Variants in RBFOX1 observed in about 807,000 individuals in gnomAD.
RBFOX1 encodes RNA binding fox-1 homolog 1.
In RBFOX1, 8 loss-of-function variants were observed where a neutral mutation model predicts 57.7. That is an observed-to-expected ratio of 0.14 (90% CI 0.08 to 0.25). The LOEUF (loss-of-function observed/expected upper bound fraction) is 0.25. Among genes scored for constraint, RBFOX1 ranks in the 10% least tolerant of loss-of-function variants. The probability of loss-of-function intolerance (pLI) is 1.00; values close to 1 mark genes in which losing one functional copy is unlikely to be tolerated. For synonymous variants in RBFOX1, 326 were observed against 222.4 expected, an observed-to-expected ratio of 1.47 and a Z score of -4.15; for missense variants, 611 against 548.5, an observed-to-expected ratio of 1.11 and a Z score of -1.14.
chr16:7,320,195 T>A (rs993518961), intron 4 of RBFOX1, among the ~76,000 whole-genome samples: 5 of 152,142 alleles, frequency 3.3e-5, no homozygotes, highest in African/African-American at 1.2e-4. Context: ...TTAAGCCCCA[T>A]GTTCATCAGC....
At chr16:7,193,531 G>T (rs915171322) in intron 4 of RBFOX1, among the ~76,000 whole-genome samples, 1 of 152,220 alleles carries the variant, frequency 6.6e-6, no homozygotes, top group African/African-American at 2.4e-5. Flanking sequence ...AACTGCAAAT[G>T]CTTTTATGGT....
intron 3 of RBFOX1, among the ~76,000 whole-genome samples, chr16:7,002,142 T>G (rs1468926438): frequency 6.6e-6 from 1 of 152,002 alleles, no homozygotes; most frequent in Admixed American, 6.6e-5. Flanking sequence ...TAGGTGAGTC[T>G]AGGGTTATTG....
intron 1 of RBFOX1, among the ~76,000 whole-genome samples, chr16:5,391,173 G>C (rs952073781): frequency 1.3e-5 from 2 of 152,162 alleles, no homozygotes; most frequent in South Asian, 2.1e-4. Context: ...AAAGAAACTT[G>C]GGGCATTAGT....
intron 4 of RBFOX1, among the ~76,000 whole-genome samples, chr16:7,081,506 T>C (rs1402836334): frequency 1.3e-5 from 2 of 152,088 alleles, no homozygotes; most frequent in Non-Finnish European, 2.9e-5. Context: ...GCTAGAAAAA[T>C]AGAAGCACTC....
At chr16:6,104,805 A>C (rs975086579) in intron 1 of RBFOX1, among the ~76,000 whole-genome samples, 1 of 152,252 alleles carries the variant, frequency 6.6e-6, no homozygotes, top group Non-Finnish European at 1.5e-5. Flanking sequence ...AACATTATGC[A>C]CATATTATGC....
intron 3 of RBFOX1, among the ~76,000 whole-genome samples, chr16:6,699,002 G>C (rs1006694710): frequency 6.6e-6 from 1 of 152,166 alleles, no homozygotes; most frequent in Non-Finnish European, 1.5e-5. Context: ...AGAATGTGGC[G>C]TTGTTCTTGG....
chr16:6,695,948 C>A (rs904402048), intron 3 of RBFOX1, among the ~76,000 whole-genome samples: 1 of 152,142 alleles, frequency 6.6e-6, no homozygotes, highest in Non-Finnish European at 1.5e-5. Flanking sequence ...CTTTTATAAC[C>A]ACATTGCAAT....
intron 3 of RBFOX1, among the ~76,000 whole-genome samples, chr16:6,786,819 T>C (rs2082044458): frequency 6.6e-6 from 1 of 152,066 alleles, no homozygotes; most frequent in Non-Finnish European, 1.5e-5. Flanking sequence ...ATGGTCACAA[T>C]TGACTAAAAG....
In RBFOX1 at chr16:5,817,178, C is replaced by G. The variant is rs552295612; in HGVS notation, c.319-50125C>G. On this transcript the variant is annotated intron_variant, in intron 3 of 19. Transcript: ENST00000641259. ...TCTTGTGCACTCTCTCTCTATCTCT[C>G]TGTGTGTGTGTGTTTGTGTGTGTGT... 1.2e-3 allele frequency among the ~76,000 whole-genome samples: 180 copies of G among 152,120 alleles called. 3 individuals carry two copies. Among genetic ancestry groups the G allele is most frequent in the African/African-American group, 3.1e-3 (129 of 41,516 alleles).
chr16:7,567,519 A>G (rs377422778), intron 5 of RBFOX1, among the ~76,000 whole-genome samples: 132 of 54,692 alleles, frequency 2.4e-3, no homozygotes, highest in South Asian at 5.0e-3. Context: ...GGCCCTATAT[A>G]TATATCCCTA....
intron 3 of RBFOX1, among the ~76,000 whole-genome samples, chr16:5,729,521 A>T (rs1352960808): frequency 6.6e-6 from 1 of 151,236 alleles, no homozygotes; most frequent in Non-Finnish European, 1.5e-5. Context: ...GGATTCAGAG[A>T]TAGGCATGTG....
intron 4 of RBFOX1, among the ~76,000 whole-genome samples, chr16:7,429,995 G>C (rs1021437930): frequency 6.6e-6 from 1 of 152,056 alleles, no homozygotes; most frequent in African/African-American, 2.4e-5. Flanking sequence ...AGTTTCTCTT[G>C]GTCTAGGGCC....
intron 1 of RBFOX1, among the ~76,000 whole-genome samples, chr16:6,198,789 G>T (rs983530788): frequency 6.6e-6 from 1 of 152,002 alleles, no homozygotes; most frequent in Non-Finnish European, 1.5e-5. Context: ...CCTGGCTTAA[G>T]TATAATACTA....
chr16:7,443,514 A>G (rs2098785664), intron 4 of RBFOX1, among the ~76,000 whole-genome samples: 1 of 150,938 alleles, frequency 6.6e-6, no homozygotes, highest in African/African-American at 2.4e-5. Context: ...GAATCCTGCC[A>G]GATATGAACC....
intron 11 of RBFOX1, among the ~76,000 whole-genome samples, chr16:7,653,143 T>A (rs2065452211): frequency 6.6e-6 from 1 of 152,226 alleles, no homozygotes; most frequent in African/African-American, 2.4e-5. Context: ...AATACACCTG[T>A]ACATATATAC....
intron 5 of RBFOX1, among the ~76,000 whole-genome samples, chr16:7,519,973 C>G (rs1324342333): frequency 6.6e-6 from 1 of 152,132 alleles, no homozygotes; most frequent in Non-Finnish European, 1.5e-5. Flanking sequence ...GCAAGCTCCA[C>G]CTCCCAGGTT....
intron 1 of RBFOX1, among the ~76,000 whole-genome samples, chr16:6,145,512 T>C (rs548024869): frequency 0.034 from 5,152 of 152,304 alleles, 242 homozygotes; most frequent in African/African-American, 0.11. Flanking sequence ...TGCGTGTGTC[T>C]TTGTATTATA....
intron 1 of RBFOX1, among the ~76,000 whole-genome samples, chr16:6,064,908 A>G (rs1031890638): frequency 2.0e-5 from 3 of 152,130 alleles, no homozygotes; most frequent in African/African-American, 7.2e-5. Flanking sequence ...TCAGATCTCA[A>G]GACATGGAGA....
chr16:5,670,611 C>T (rs1277481002), intron 3 of RBFOX1, among the ~76,000 whole-genome samples: 1 of 152,206 alleles, frequency 6.6e-6, no homozygotes, highest in East Asian at 1.9e-4. Context: ...TCACTCTGTA[C>T]AGTACTAATC....
Sources: gnomAD v4.1 joint callset for allele counts (sites outside exome capture counted in the v4.1 genomes callset) on GRCh38, gnomAD v4.1.1 for gene constraint, MANE v1.5 for transcripts, NCBI Gene and HGNC (gene_info 2026-07-23, HGNC 2026-07-21) for gene names.